The following UNC5D variants were observed in gnomAD, a reference collection of about 807,000 sequenced individuals.
The protein encoded by UNC5D is netrin receptor UNC5D.
UNC5D carries 39 observed loss-of-function variants against 105.4 expected under a neutral mutation model. That is an observed-to-expected ratio of 0.37 (90% CI 0.29 to 0.48). The LOEUF is 0.48. UNC5D is among the 20% of genes least tolerant of loss of function. The pLI, the probability that UNC5D is intolerant of heterozygous loss-of-function variation, is 0.98. For missense variants in UNC5D, 991 were observed against 1,202.4 expected (o/e 0.82, Z 2.60); for synonymous variants, 452 against 450.4 (o/e 1.00, Z -0.04).
chr8:35,549,395 C>A lies in UNC5D; in HGVS notation c.207C>A (p.Asn69Lys), dbSNP rs1418190301. ...EPDDAYIIKS[N>K]PIALRCKARP... Reference sequence around the variant, plus strand: ...ATGATGCTTATATTATCAAGAGCAACCCTATTGCACTCAGGTGCAAAGCGA... The same window carrying A: ...ATGATGCTTATATTATCAAGAGCAAACCTATTGCACTCAGGTGCAAAGCGA... The change falls in exon 2 of 17, where the codon AAC (asparagine) becomes AAA (lysine). Residue 69 changes from asparagine (N) to lysine (K), a missense_variant. By Grantham distance (94) the Asn-to-Lys change is moderately conservative (BLOSUM62 0). Coordinates refer to ENST00000404895, the MANE Select transcript of UNC5D (RefSeq NM_080872.4). 4.5e-5 allele frequency: 72 copies of A among 1,613,388 alleles called. No individual in the cohort carries two copies. The highest frequency in any genetic ancestry group is 5.8e-5 in the Non-Finnish European group (69 of 1,180,030).
rs1803182273 is a variant in UNC5D, at chr8:35,794,520, A to G, written c.*3957A>G. ...TTGGTGTTAGTTGCCATAGTGCTGTATTTGAAAATCGATGCTTTAGCCAAA... is the reference window on the plus strand; with the variant it reads ...TTGGTGTTAGTTGCCATAGTGCTGTGTTTGAAAATCGATGCTTTAGCCAAA... On this transcript the variant is annotated 3_prime_UTR_variant, in exon 17 of 17. Transcript: ENST00000404895. 1 of 152,638 alleles carries G rather than the reference A, an allele frequency of 6.6e-6. No homozygotes were observed. Among genetic ancestry groups the G allele is most frequent in the Non-Finnish European group, 1.5e-5 (1 of 68,032 alleles). 9.5% of individuals were successfully genotyped at this position (152,638 alleles called of 1,614,324 possible).
chr8:35,396,202 C>T (rs991056544), intron 1 of UNC5D, among the ~76,000 whole-genome samples: 3 of 152,030 alleles, frequency 2.0e-5, no homozygotes, highest in East Asian at 1.9e-4. Context: ...CAGGGGTCCC[C>T]GTAACTACTC....
At chr8:35,274,295 T>C (rs1257256214) in intron 1 of UNC5D, among the ~76,000 whole-genome samples, 1 of 152,234 alleles carries the variant, frequency 6.6e-6, no homozygotes, top group Non-Finnish European at 1.5e-5. Flanking sequence ...CTTCAGATGA[T>C]TTAGCAAATC....
intron 1 of UNC5D, among the ~76,000 whole-genome samples, chr8:35,305,421 T>C (rs1808259907): frequency 6.6e-6 from 1 of 152,042 alleles, no homozygotes; most frequent in Non-Finnish European, 1.5e-5. Flanking sequence ...GTCCTTTATA[T>C]TCCAACCCAG....
At chr8:35,406,298 A>G (rs1804794874) in intron 1 of UNC5D, among the ~76,000 whole-genome samples, 1 of 152,236 alleles carries the variant, frequency 6.6e-6, no homozygotes, top group African/African-American at 2.4e-5. Flanking sequence ...ATCCTGAGGT[A>G]TTGACAAATT....
chr8:35,633,455 A>AAT (rs1822167927), intron 4 of UNC5D, among the ~76,000 whole-genome samples: 3 of 151,936 alleles, frequency 2.0e-5, no homozygotes, highest in Admixed American at 1.3e-4. Flanking sequence ...TTAAAAAAAA[A>AAT]TCCTTTTTTG....
chr8:35,409,228 A>G (rs1805000429), intron 1 of UNC5D, among the ~76,000 whole-genome samples: 1 of 152,084 alleles, frequency 6.6e-6, no homozygotes, highest in African/African-American at 2.4e-5. Context: ...TTCTCTGTGG[A>G]CATACGTCTT....
intron 1 of UNC5D, among the ~76,000 whole-genome samples, chr8:35,477,801 T>C (rs755718952): frequency 5.9e-5 from 9 of 152,098 alleles, no homozygotes; most frequent in Admixed American, 3.3e-4. Context: ...AAAAAAAATA[T>C]GTAGAATGTC....
At chr8:35,412,068 A>G (rs937610943) in intron 1 of UNC5D, among the ~76,000 whole-genome samples, 2 of 152,032 alleles carry the variant, frequency 1.3e-5, no homozygotes, top group African/African-American at 2.4e-5. Flanking sequence ...CTGACTTTTT[A>G]AAAATCACTC....
At chr8:35,268,331 T>C (rs1397839037) in intron 1 of UNC5D, among the ~76,000 whole-genome samples, 1 of 152,100 alleles carries the variant, frequency 6.6e-6, no homozygotes, top group Non-Finnish European at 1.5e-5. Flanking sequence ...AATGATTAAA[T>C]TACTTAATAA....
chr8:35,463,757 C>T (rs1419983682), intron 1 of UNC5D, among the ~76,000 whole-genome samples: 1 of 150,610 alleles, frequency 6.6e-6, no homozygotes, highest in African/African-American at 2.4e-5. Flanking sequence ...CTGCACTGCA[C>T]TCCAGCCTGG....
chr8:35,374,231 A>G (rs997315144), intron 1 of UNC5D, among the ~76,000 whole-genome samples: 2 of 152,152 alleles, frequency 1.3e-5, no homozygotes, highest in African/African-American at 4.8e-5. Context: ...CGATGACAGA[A>G]AGTGTGTGTT....
intron 10 of UNC5D, chr8:35,727,766 C>G (rs1828956319): frequency 6.6e-6 from 1 of 152,014 alleles, no homozygotes; most frequent in Admixed American, 6.6e-5. Context: ...GTATGCGTGT[C>G]AATGTGTGAA....
At chr8:35,247,666 TAATATATAAATATATATTATATATAA>T (rs1322599206) in intron 1 of UNC5D, among the ~76,000 whole-genome samples, 3 of 29,894 alleles carry the variant, frequency 1.0e-4, no homozygotes, top group African/African-American at 4.9e-4. Context: ...AAAATATATA[TAATATATAAATATATATTATATATAA>T]AATATATATA....
intron 15 of UNC5D, among the ~76,000 whole-genome samples, chr8:35,769,996 A>T (rs571844671): frequency 3.3e-5 from 5 of 152,196 alleles, no homozygotes; most frequent in African/African-American, 7.2e-5. Context: ...CCCTAAAATG[A>T]CTTAATTTTT....
chr8:35,573,927 A>G (rs1323449175), intron 3 of UNC5D, among the ~76,000 whole-genome samples: 1 of 152,234 alleles, frequency 6.6e-6, no homozygotes, highest in Non-Finnish European at 1.5e-5. Flanking sequence ...AAATAAATAA[A>G]TAAAGCCAAC....
intron 1 of UNC5D, among the ~76,000 whole-genome samples, chr8:35,305,899 CTT>C (rs1808378007): frequency 8.4e-6 from 1 of 118,352 alleles, no homozygotes. Context: ...CTTTTTCTCT[CTT>C]TCTTTTTCTT....
At chr8:35,712,712 T>C (rs61357978) in intron 8 of UNC5D, among the ~76,000 whole-genome samples, 12,853 of 152,142 alleles carry the variant, frequency 0.084, 1,182 homozygotes, top group African/African-American at 0.22. Context: ...GTGGGGGCTG[T>C]ACTGGCAATT....
At chr8:35,517,731 T>G (rs1004562352) in intron 1 of UNC5D, among the ~76,000 whole-genome samples, 2 of 152,194 alleles carry the variant, frequency 1.3e-5, no homozygotes, top group African/African-American at 4.8e-5. Flanking sequence ...TGTCTGAGTT[T>G]GTTCAGTGCT....
Sources: gnomAD v4.1 joint callset for allele counts (sites outside exome capture counted in the v4.1 genomes callset) on GRCh38, gnomAD v4.1.1 for gene constraint, MANE v1.5 for transcripts, NCBI Gene and HGNC (gene_info 2026-07-23, HGNC 2026-07-21) for gene names.